Variants in ROBO1 observed in about 807,000 individuals in gnomAD.
ROBO1 encodes the protein roundabout guidance receptor 1.
Under a neutral mutation model 195.9 loss-of-function variants are expected in ROBO1, and 149 were observed. That is an observed-to-expected ratio of 0.76 (90% confidence interval 0.67 to 0.87). The LOEUF is 0.87. Ranked by LOEUF, ROBO1 falls within the 40% of genes least tolerant of loss-of-function variation. The pLI, the probability that ROBO1 is intolerant of heterozygous loss-of-function variation, is 0.00. For synonymous variants in ROBO1, 816 were observed against 733.2 expected (o/e 1.11, Z -1.82); for missense variants, 1,933 against 2,068.3 (o/e 0.93, Z 1.27).
chr3:79,747,969 C>A (rs1703946913), intron 1 of ROBO1, among the ~76,000 whole-genome samples: 1 of 151,816 alleles, frequency 6.6e-6, no homozygotes, highest in Admixed American at 6.6e-5. Flanking sequence ...ATATGGTTGA[C>A]CAAACTATCC....
At chr3:78,797,555 A>G (rs416640) in intron 4 of ROBO1, among the ~76,000 whole-genome samples, 146,569 of 152,226 alleles carry the variant, frequency 0.96, 70,820 homozygotes, top group East Asian at 1. Context: ...ATGCAAGACC[A>G]AGTATGTCCC....
intron 4 of ROBO1, among the ~76,000 whole-genome samples, chr3:78,750,494 TAAATA>T (rs1553719146): frequency 5.5e-4 from 76 of 138,962 alleles, no homozygotes; most frequent in East Asian, 1.4e-3. Context: ...AATAAATAAA[TAAATA>T]AAATAAAATA....
At chr3:79,275,947 C>A (rs1355337500) in intron 2 of ROBO1, among the ~76,000 whole-genome samples, 1 of 151,212 alleles carries the variant, frequency 6.6e-6, no homozygotes, top group East Asian at 1.9e-4. Context: ...AAAATGAAAA[C>A]CATGAAACAC....
At chr3:78,906,159 T>C (rs2037898650) in intron 4 of ROBO1, among the ~76,000 whole-genome samples, 1 of 152,170 alleles carries the variant, frequency 6.6e-6, no homozygotes, top group South Asian at 2.1e-4. Flanking sequence ...CTAACATTTA[T>C]TATGAACAGA....
intron 2 of ROBO1, chr3:79,533,149 A>C: frequency 2.4e-6 from 1 of 420,352 alleles, no homozygotes; most frequent in Non-Finnish European, 4.7e-6. Context: ...TATAATATGG[A>C]GGCTGCAGAA....
At chr3:78,970,025 C>T (rs934507160) in intron 3 of ROBO1, among the ~76,000 whole-genome samples, 3 of 152,036 alleles carry the variant, frequency 2.0e-5, no homozygotes, top group Admixed American at 6.6e-5. Context: ...GAATGACCTA[C>T]AAATGGTTAT....
At position 78,905,661 on chromosome 3, in the gene ROBO1, T is replaced by A. The variant is rs569304544; in HGVS notation, c.499+32940A>T. On this transcript the variant is annotated intron_variant, in intron 4 of 30. Coordinates refer to ENST00000464233, the MANE Select transcript of ROBO1 (RefSeq NM_002941.4). ...TGTTGATATCAAATACTAAACAAAC[T>A]GATAGATGACTATACCTGGAAAAAA... Among the ~76,000 whole-genome samples the A allele has an allele frequency of 2.6e-5, 4 of 152,170 alleles. No homozygotes were observed. The South Asian group carries it at 8.3e-4, about 32-fold the overall frequency.
At chr3:79,241,668 A>G (rs557190245) in intron 2 of ROBO1, among the ~76,000 whole-genome samples, 1 of 150,832 alleles carries the variant, frequency 6.6e-6, no homozygotes. Context: ...ATTTGTGTAA[A>G]TATAGATAAC....
chr3:79,533,014 C>G, intron 2 of ROBO1: 1 of 339,288 alleles, frequency 2.9e-6, no homozygotes, highest in Non-Finnish European at 5.8e-6. Context: ...AATTAAGTAC[C>G]TTGGAGAAGA....
intron 5 of ROBO1, among the ~76,000 whole-genome samples, chr3:78,724,842 A>G (rs965661404): frequency 6.6e-6 from 1 of 152,220 alleles, no homozygotes; most frequent in Non-Finnish European, 1.5e-5. Context: ...AAATATGTCT[A>G]ACACAAACAA....
At chr3:79,014,999 A>G (rs1039053132) in intron 3 of ROBO1, among the ~76,000 whole-genome samples, 54 of 152,150 alleles carry the variant, frequency 3.5e-4, no homozygotes, top group African/African-American at 1.2e-3. Flanking sequence ...ATAAATGGTC[A>G]TTGTTAGTCT....
At chr3:78,658,905 C>A (rs1707207603) in intron 17 of ROBO1, among the ~76,000 whole-genome samples, 1 of 152,108 alleles carries the variant, frequency 6.6e-6, no homozygotes, top group African/African-American at 2.4e-5. Flanking sequence ...CAATCAGGTT[C>A]TGAAAGGCAT....
intron 3 of ROBO1, among the ~76,000 whole-genome samples, chr3:79,044,283 T>C (rs535903748): frequency 6.6e-6 from 1 of 152,248 alleles, no homozygotes; most frequent in African/African-American, 2.4e-5. Flanking sequence ...TGCTTAACTT[T>C]CCACTGCTTC....
intron 2 of ROBO1, among the ~76,000 whole-genome samples, chr3:79,154,149 A>G (rs920377887): frequency 3.3e-5 from 5 of 151,794 alleles, no homozygotes; most frequent in African/African-American, 9.7e-5. Context: ...AAACCTGCCC[A>G]TACATAATGG....
chr3:79,608,863 C>A (rs1476754645), intron 1 of ROBO1, among the ~76,000 whole-genome samples: 1 of 151,876 alleles, frequency 6.6e-6, no homozygotes, highest in Non-Finnish European at 1.5e-5. Context: ...GTTGAAATTC[C>A]AACCTCCAAT....
At chr3:78,978,089 A>G (rs1372475850) in intron 3 of ROBO1, among the ~76,000 whole-genome samples, 2 of 152,172 alleles carry the variant, frequency 1.3e-5, no homozygotes, top group Non-Finnish European at 2.9e-5. Flanking sequence ...GAAGAGTCTC[A>G]GTCTAGTTAG....
chr3:79,637,147 C>T lies in ROBO1; in HGVS notation c.-50-47186G>A, dbSNP rs571526158. Among the ~76,000 whole-genome samples the T allele has an allele frequency of 8.1e-4, 124 of 152,248 alleles. 2 individuals carry two copies. Among genetic ancestry groups the T allele is most frequent in the Non-Finnish European group, 9.0e-4 (61 of 68,004 alleles). Reference sequence around the variant, plus strand: ...AGCCCAATGAACATTTCCACTATCACGGAAGTTCTACTGGACAGCCCTGAA... The same window carrying T: ...AGCCCAATGAACATTTCCACTATCATGGAAGTTCTACTGGACAGCCCTGAA... On this transcript the variant is annotated intron_variant, in intron 1 of 30. Transcript: ENST00000464233.
chr3:78,614,507 G>A (rs1244735995), intron 28 of ROBO1, 141 bp downstream of exon 28: 9 of 858,898 alleles, frequency 1.0e-5, no homozygotes, highest in Middle Eastern at 3.8e-4. Context: ...TAAGTAGGTC[G>A]CTTCTATAAG....
intron 1 of ROBO1, among the ~76,000 whole-genome samples, chr3:79,715,465 C>T (rs1050174504): frequency 1.3e-5 from 2 of 152,114 alleles, no homozygotes; most frequent in Admixed American, 6.6e-5. Context: ...AATGAAGGGT[C>T]AGCATTTTTT....
Sources: allele counts gnomAD v4.1 joint callset (sites outside exome capture counted in the v4.1 genomes callset), GRCh38; gene constraint gnomAD v4.1.1; transcripts MANE v1.5; gene names NCBI Gene and HGNC (gene_info 2026-07-23, HGNC 2026-07-21).